RBPMS: variants seen among roughly 807,000 people sequenced by gnomAD.
RBPMS encodes RNA-binding protein with multiple splicing.
In RBPMS, 7 loss-of-function variants were observed where a neutral mutation model predicts 26.8. That is an observed-to-expected ratio of 0.26 (90% CI 0.15 to 0.49). The LOEUF (loss-of-function observed/expected upper bound fraction) is 0.49. RBPMS is among the 20% of genes least tolerant of loss of function. The pLI is 0.98. For synonymous variants in RBPMS, 96 were observed against 93.3 expected, an observed-to-expected ratio of 1.03 and a Z score of -0.17; for missense variants, 186 against 250.0, an observed-to-expected ratio of 0.74 and a Z score of 1.73.
chr8:30,493,567 G>T (rs1195401606), intron 4 of RBPMS, among the ~76,000 whole-genome samples: 3 of 152,000 alleles, frequency 2.0e-5, no homozygotes, highest in Non-Finnish European at 4.4e-5. Flanking sequence ...GTGAGCATCA[G>T]GATTCCTGAG....
chr8:30,544,744 A>T (rs1290254158), intron 6 of RBPMS, 120 bp downstream of exon 6: 1 of 1,600,332 alleles, frequency 6.2e-7, no homozygotes, highest in East Asian at 2.2e-5. Context: ...CCCTCAAGAG[A>T]TTAATGATCC....
At chr8:30,443,799 G>A (rs750023553) in intron 1 of RBPMS, among the ~76,000 whole-genome samples, 3 of 152,020 alleles carry the variant, frequency 2.0e-5, no homozygotes, top group African/African-American at 7.3e-5. Flanking sequence ...ATTTCACCGC[G>A]TTGGCCGGGA....
chr8:30,432,697 G>C (rs1178809984), intron 1 of RBPMS, among the ~76,000 whole-genome samples: 8 of 152,218 alleles, frequency 5.3e-5, no homozygotes. Context: ...CAGGGTAATA[G>C]CTGGTGTAAT....
chr8:30,440,744 C>T (rs1311461980), intron 1 of RBPMS, among the ~76,000 whole-genome samples: 3 of 151,734 alleles, frequency 2.0e-5, no homozygotes, highest in Admixed American at 2.0e-4. Flanking sequence ...AACAACAGTG[C>T]ATAAAGGTTC....
chr8:30,458,755 A>G (rs1815539073), intron 1 of RBPMS, among the ~76,000 whole-genome samples: 2 of 152,112 alleles, frequency 1.3e-5, no homozygotes. Flanking sequence ...ACTGTCACTC[A>G]GGCTGGAGTG....
chr8:30,495,748 C>T (rs1057012020), intron 4 of RBPMS, among the ~76,000 whole-genome samples: 15 of 152,166 alleles, frequency 9.9e-5, no homozygotes, highest in Non-Finnish European at 1.8e-4. Flanking sequence ...GTATGAAATA[C>T]GGTTTACATC....
intron 1 of RBPMS, among the ~76,000 whole-genome samples, chr8:30,390,405 C>T (rs992288441): frequency 6.6e-6 from 1 of 152,202 alleles, no homozygotes; most frequent in African/African-American, 2.4e-5. Flanking sequence ...TTCTGATGCT[C>T]TTCTGGAGTC....
intron 5 of RBPMS, among the ~76,000 whole-genome samples, chr8:30,506,648 A>G (rs565896923): frequency 1.4e-4 from 22 of 152,316 alleles, no homozygotes; most frequent in Non-Finnish European, 1.9e-4. Context: ...TTAACTACTT[A>G]TCAGGTGTAG....
intron 1 of RBPMS, among the ~76,000 whole-genome samples, chr8:30,423,163 C>G (rs192139713): frequency 4.9e-4 from 74 of 152,360 alleles, no homozygotes; most frequent in Non-Finnish European, 1.6e-4. Flanking sequence ...GCTTTGTTAT[C>G]TGGTTTCCCA....
chr8:30,426,353 A>G (rs145833321), intron 1 of RBPMS, among the ~76,000 whole-genome samples: 7 of 152,308 alleles, frequency 4.6e-5, no homozygotes, highest in African/African-American at 1.4e-4. Context: ...ATATTACTTT[A>G]GAGAAGTTAA....
intron 1 of RBPMS, among the ~76,000 whole-genome samples, chr8:30,415,902 T>C (rs1810010444): frequency 6.6e-6 from 1 of 152,216 alleles, no homozygotes; most frequent in African/African-American, 2.4e-5. Flanking sequence ...TTGGTCAATT[T>C]GTTTTTGTGT....
rs112599356 is a variant in RBPMS at position 30,526,221 on chromosome 8, A to G, written c.398-18273A>G. Among the ~76,000 whole-genome samples the G allele has an allele frequency of 9.5e-3, 1,452 of 152,300 alleles. 14 individuals carry two copies. The highest frequency in any genetic ancestry group is 0.029 in the African/African-American group (1,210 of 41,556). ...ACAATACTCAGCTCTGGGAGTCCAAACAGAGTCCATCATGTATTCGCTTTG... is the reference window on the plus strand; with the variant it reads ...ACAATACTCAGCTCTGGGAGTCCAAGCAGAGTCCATCATGTATTCGCTTTG... On this transcript the variant is annotated intron_variant, in intron 5 of 8. Transcript: ENST00000397323.
At chr8:30,515,174 G>T (rs1822175219) in intron 5 of RBPMS, among the ~76,000 whole-genome samples, 1 of 151,978 alleles carries the variant, frequency 6.6e-6, no homozygotes, top group Non-Finnish European at 1.5e-5. Context: ...GTCTTGCTTT[G>T]TTGCCCAGGC....
intron 1 of RBPMS, among the ~76,000 whole-genome samples, chr8:30,408,534 A>G (rs1029859607): frequency 6.6e-6 from 1 of 152,112 alleles, no homozygotes; most frequent in Non-Finnish European, 1.5e-5. Context: ...CTCAAAAACA[A>G]AACGAACAAA....
chr8:30,385,027 G>T lies in RBPMS; in HGVS notation c.-66G>T, dbSNP rs929858822. 16 of 1,354,662 alleles carry T rather than the reference G, an allele frequency of 1.2e-5. No individual in the cohort carries two copies. In the African/African-American group the frequency reaches 2.1e-4, roughly 18 times the overall value. The allele number at this position is 1,354,662 out of a possible 1,614,324, so 83.9% of individuals were successfully genotyped here. On this transcript the variant is annotated 5_prime_UTR_variant, in exon 1 of 9. Transcript: ENST00000397323. The stretch of plus-strand genomic sequence containing the variant: ...CGGCGCCCGGGGAAGGCTCCAGTGG[G>T]CTAGCGCGCCCTCGCCCAGCCCCGC...
chr8:30,525,288 G>A (rs1397525135), intron 5 of RBPMS, among the ~76,000 whole-genome samples: 3 of 152,146 alleles, frequency 2.0e-5, no homozygotes, highest in East Asian at 1.9e-4. Flanking sequence ...AAAGAGATAT[G>A]CAAACAGGAA....
At position 30,563,365 on chromosome 8, in the gene RBPMS, CTG is replaced by C. The variant is rs571019996; in HGVS notation, c.*8-2891_*8-2890del. ...GAAAATTGTCAGTTTCCCAGATACA[CTG>C]AGAACAGGCGAGCATGAGCAACGCT... On this transcript the variant is annotated intron_variant, in intron 7 of 8. Coordinates refer to ENST00000397323, the MANE Select transcript of RBPMS (RefSeq NM_001008710.3). Among the ~76,000 whole-genome samples, 581 of 152,330 alleles carry C rather than the reference CTG, an allele frequency of 3.8e-3. 2 individuals carry two copies. Among genetic ancestry groups the C allele is most frequent in the African/African-American group, 0.013 (534 of 41,562 alleles).
chr8:30,499,987 G>T (rs899903874), intron 4 of RBPMS, among the ~76,000 whole-genome samples: 2 of 152,100 alleles, frequency 1.3e-5, no homozygotes, highest in African/African-American at 4.8e-5. Context: ...CAATTTTTCT[G>T]TAAGTCTGAA....
At chr8:30,421,551 T>G (rs1426180346) in intron 1 of RBPMS, among the ~76,000 whole-genome samples, 1 of 152,208 alleles carries the variant, frequency 6.6e-6, no homozygotes, top group Non-Finnish European at 1.5e-5. Flanking sequence ...AAGCCAAACA[T>G]GACAAATTAT....
Sources: gnomAD v4.1 joint callset for allele counts (sites outside exome capture counted in the v4.1 genomes callset) on GRCh38, gnomAD v4.1.1 for gene constraint, MANE v1.5 for transcripts, NCBI Gene and HGNC (gene_info 2026-07-23, HGNC 2026-07-21) for gene names.